The following KDM2B variants were observed in gnomAD, a reference collection of about 807,000 sequenced individuals.
The protein encoded by KDM2B is lysine demethylase 2B, also known as lysine-specific demethylase 2B.
In KDM2B, 26 loss-of-function variants were observed where a neutral mutation model predicts 150.0. That is an observed-to-expected ratio of 0.17 (90% CI 0.13 to 0.24). The LOEUF (loss-of-function observed/expected upper bound fraction) is 0.24. KDM2B is among the 10% of genes least tolerant of loss of function. KDM2B has a pLI of 1.00. For missense variants in KDM2B, 1,265 were observed against 1,816.9 expected (o/e 0.70, Z 5.52); for synonymous variants, 734 against 729.5 (o/e 1.01, Z -0.10).
rs1341439277 is a variant in KDM2B, at chr12:121,520,014, T to A, written c.1047+971A>T. 2.6e-5 allele frequency among the ~76,000 whole-genome samples: 4 copies of A among 152,106 alleles called. No individual in the cohort carries two copies. Among genetic ancestry groups the A allele is most frequent in the Non-Finnish European group, 4.4e-5 (3 of 68,018 alleles). The stretch of plus-strand genomic sequence containing the variant: ...CTCAAACGACCCTCCCACCACAGCC[T>A]CTCAAGTAGCTGGGACTACAGGCGT... On this transcript the variant is annotated intron_variant, in intron 9 of 22. Coordinates refer to ENST00000377071, the MANE Select transcript of KDM2B (RefSeq NM_032590.5). This position sits in a 1 kb window ranked among gnomAD's most constrained non-coding sequence, Gnocchi z 4.5.
chr12:121,442,401 G>T lies in KDM2B; in HGVS notation c.3040C>A (p.Pro1014Thr). Residue 1014 changes from proline to threonine, a missense_variant, in exon 19 of 23, where the codon CCC becomes ACC. Pro to Thr is a conservative substitution (Grantham distance 38). This residue lies in a region of KDM2B where 418 missense variants were observed against 402.4 expected (regional missense o/e 1.04). Coordinates refer to ENST00000377071, the MANE Select transcript of KDM2B (RefSeq NM_032590.5). This position sits in a 1 kb window ranked among gnomAD's most constrained non-coding sequence, Gnocchi z 7.7. Reference protein sequence around the residue: ...TPRELRHQLGPSLRSPPRVIS... With the variant: ...TPRELRHQLGTSLRSPPRVIS... ...ACACGGGGCGGGCTGCGCAGGCTGGGCCCCAGCTGGTGCCGCAGCTCCCGG... is the reference window on the plus strand; with the variant it reads ...ACACGGGGCGGGCTGCGCAGGCTGGTCCCCAGCTGGTGCCGCAGCTCCCGG... 6.3e-7 allele frequency: 1 copy of T among 1,596,482 alleles called. No individual in the cohort carries two copies.
intron 10 of KDM2B, among the ~76,000 whole-genome samples, chr12:121,511,418 C>A (rs1205325003): frequency 6.6e-6 from 1 of 151,942 alleles, no homozygotes; most frequent in South Asian, 2.1e-4. Context: ...TCCCGAGTAC[C>A]TGGGATTACA....
rs782394439 is a variant in KDM2B, at chr12:121,453,368, G to C, written c.1735-24C>G. 6.5e-7 allele frequency: 1 copy of C among 1,529,432 alleles called. No homozygotes were observed. The highest frequency in any genetic ancestry group is 2.0e-5 in the Admixed American group (1 of 50,710). The allele number at this position is 1,529,432 out of a possible 1,614,324, so 94.7% of individuals were successfully genotyped here. A position where few individuals can be genotyped will look rare whatever the true frequency, so the allele number is the denominator to read the frequency against. On this transcript the variant is annotated intron_variant, in intron 12 of 22. Coordinates refer to ENST00000377071, the MANE Select transcript of KDM2B (RefSeq NM_032590.5). The surrounding 1 kb of genome is among the most constrained non-coding windows in gnomAD (Gnocchi z 6.4). ...TTCTGCAGGGGAACAGACACGACTGGTCAGATGGGGAGACTGCAGGCACGG... is the reference window on the plus strand; with the variant it reads ...TTCTGCAGGGGAACAGACACGACTGCTCAGATGGGGAGACTGCAGGCACGG...
the KDM2B span, chr12:121,420,174 A>G: frequency 2.1e-6 from 3 of 1,434,490 alleles, no homozygotes; most frequent in Non-Finnish European, 2.9e-6. Flanking sequence ...AGCATCAATG[A>G]CAAGGTTTTC....
At chr12:121,417,691 G>A in the KDM2B span, 2 of 1,614,196 alleles carry the variant, frequency 1.2e-6, no homozygotes, top group South Asian at 1.1e-5. This position sits in a 1 kb window ranked among gnomAD's most constrained non-coding sequence, Gnocchi z 5.0. Flanking sequence ...GATACTTGTC[G>A]TGAGAAAGAA....
intron 19 of KDM2B, 28 bp from the exon 20 acceptor site, chr12:121,441,261 C>G: frequency 3.7e-6 from 6 of 1,608,302 alleles, no homozygotes; most frequent in Non-Finnish European, 5.1e-6. Context: ...GGGGACACAT[C>G]GTCAGAGGTG....
chr12:121,488,962 C>A (rs550287176), intron 12 of KDM2B, among the ~76,000 whole-genome samples: 1 of 152,162 alleles, frequency 6.6e-6, no homozygotes. Context: ...GCGTACACCA[C>A]CACGCCAGAT....
intron 9 of KDM2B, among the ~76,000 whole-genome samples, chr12:121,515,587 C>T (rs1886103071): frequency 6.9e-6 from 1 of 145,188 alleles, no homozygotes; most frequent in African/African-American, 2.6e-5. Context: ...GGTGACATTC[C>T]CCATCTGGGA....
intron 12 of KDM2B, among the ~76,000 whole-genome samples, chr12:121,484,793 G>A (rs1882577415): frequency 6.6e-6 from 1 of 151,982 alleles, no homozygotes; most frequent in Non-Finnish European, 1.5e-5. Flanking sequence ...ACTCCAGCCT[G>A]GGCAACAGAG....
chr12:121,411,059 G>A, the KDM2B span, among the ~76,000 whole-genome samples: 2 of 151,952 alleles, frequency 1.3e-5, no homozygotes, highest in African/African-American at 4.8e-5. Context: ...CTCAGCCTCC[G>A]AGTAGCTGGG....
At chr12:121,446,684 T>C (rs1336476777) in intron 13 of KDM2B, among the ~76,000 whole-genome samples, 1 of 152,182 alleles carries the variant, frequency 6.6e-6, no homozygotes. Context: ...AGAAGTGAGC[T>C]TGTCATTTCC....
chr12:121,469,437 T>G (rs907025502), intron 12 of KDM2B: 22 of 150,456 alleles, frequency 1.5e-4, no homozygotes, highest in African/African-American at 4.9e-4. Flanking sequence ...GCCAACATGG[T>G]GAAACCCAGT....
At chr12:121,414,838 A>C in the KDM2B span, among the ~76,000 whole-genome samples, 1 of 152,220 alleles carries the variant, frequency 6.6e-6, no homozygotes, top group Non-Finnish European at 1.5e-5. Context: ...TCATGCCTGT[A>C]ATCCCAGCAC....
intron 4 of KDM2B, among the ~76,000 whole-genome samples, chr12:121,555,981 C>G (rs1555312630): frequency 2.0e-5 from 3 of 151,692 alleles, no homozygotes; most frequent in Admixed American, 6.6e-5. Flanking sequence ...CACTGGAGTA[C>G]AGTGGCACGA....
At chr12:121,492,819 A>T (rs1422835736) in intron 12 of KDM2B, among the ~76,000 whole-genome samples, 5 of 149,076 alleles carry the variant, frequency 3.4e-5, no homozygotes, top group African/African-American at 1.3e-4. Context: ...ACAAGAGCAA[A>T]ACTCCGTCTC....
chr12:121,497,666 G>A (rs1474161026), intron 11 of KDM2B, among the ~76,000 whole-genome samples: 1 of 151,982 alleles, frequency 6.6e-6, no homozygotes, highest in Non-Finnish European at 1.5e-5. Flanking sequence ...CAAAATGCCT[G>A]AACAGATCTC....
intron 11 of KDM2B, among the ~76,000 whole-genome samples, chr12:121,502,532 A>T (rs1256398317): frequency 6.6e-6 from 1 of 152,014 alleles, no homozygotes; most frequent in Non-Finnish European, 1.5e-5. Flanking sequence ...GAGGCAGGAG[A>T]ATCACTTGAA....
Position 121,429,117 on chromosome 12 carries a change from T to TACTG in KDM2B, c.*1167_*1170dup, listed in dbSNP as rs1459395159. The TACTG allele has an allele frequency of 1.3e-4, 20 of 152,688 alleles. No individual in the cohort carries two copies. Among genetic ancestry groups the TACTG allele is most frequent in the Non-Finnish European group, 2.5e-4 (17 of 68,052 alleles). The allele number at this position is 152,688 out of a possible 1,614,324, so 9.5% of individuals were successfully genotyped here. ...ATTGTTTGGACTTCAAAACAGTGTT[T>TACTG]ACTGACTCTGGGCTTAAACTTCTAG... is the stretch of plus-strand genomic sequence containing the variant. On this transcript the variant is annotated 3_prime_UTR_variant, in exon 23 of 23. Coordinates refer to ENST00000377071, the MANE Select transcript of KDM2B (RefSeq NM_032590.5).
At chr12:121,524,969 A>T (rs1887005757) in intron 8 of KDM2B, among the ~76,000 whole-genome samples, 1 of 152,170 alleles carries the variant, frequency 6.6e-6, no homozygotes, top group Non-Finnish European at 1.5e-5. Flanking sequence ...AGGACTCGGA[A>T]TCCAAAGGCC....
Sources: allele counts gnomAD v4.1 joint callset (sites outside exome capture counted in the v4.1 genomes callset), GRCh38; gene constraint gnomAD v4.1.1; regional missense constraint gnomAD v4.1.1; non-coding constraint Gnocchi (gnomAD v3.1); transcripts MANE v1.5; gene names NCBI Gene and HGNC (gene_info 2026-07-23, HGNC 2026-07-21).